The following GPR39 variants were observed in gnomAD, a reference collection of about 807,000 sequenced individuals.
GPR39 encodes zinc sensing receptor.
GPR39 carries 23 observed loss-of-function variants against 18.4 expected under a neutral mutation model. That is an observed-to-expected ratio of 1.25 (90% confidence interval 0.90 to 1.77). The LOEUF is 1.77. GPR39 is among the 40% of genes most tolerant of loss of function. The pLI, the probability that GPR39 is intolerant of heterozygous loss-of-function variation, is 0.00. For synonymous variants in GPR39, 280 were observed against 257.9 expected (o/e 1.09, Z -0.82); for missense variants, 647 against 602.4 (o/e 1.07, Z -0.78).
intron 1 of GPR39, among the ~76,000 whole-genome samples, chr2:132,624,198 T>C (rs1184146089): frequency 1.3e-5 from 2 of 152,210 alleles, no homozygotes; most frequent in South Asian, 2.1e-4. Flanking sequence ...CAGATGGCCC[T>C]CTTCTCCCTG....
At chr2:132,473,603 C>T (rs1247454902) in intron 1 of GPR39, among the ~76,000 whole-genome samples, 1 of 152,070 alleles carries the variant, frequency 6.6e-6, no homozygotes, top group Non-Finnish European at 1.5e-5. Context: ...TATTCAGTAC[C>T]AGAGTCCATG....
At chr2:132,530,565 G>T (rs757294847) in intron 1 of GPR39, among the ~76,000 whole-genome samples, 1 of 152,162 alleles carries the variant, frequency 6.6e-6, no homozygotes, top group South Asian at 2.1e-4. Context: ...AGTCACCAAA[G>T]TTGAAATGAA....
At chr2:132,505,266 T>G (rs971799141) in intron 1 of GPR39, among the ~76,000 whole-genome samples, 1 of 152,156 alleles carries the variant, frequency 6.6e-6, no homozygotes, top group African/African-American at 2.4e-5. Flanking sequence ...TTAAAAAAAT[T>G]ATTAATACAT....
intron 1 of GPR39, among the ~76,000 whole-genome samples, chr2:132,447,521 A>C (rs988714154): frequency 1.2e-4 from 19 of 152,204 alleles, no homozygotes; most frequent in African/African-American, 4.3e-4. Context: ...ACCGTGGTCC[A>C]GGTCCACAAA....
chr2:132,417,099 T>C lies in GPR39; in HGVS notation c.57T>C (p.His19=). 3 of 1,614,170 alleles carry C rather than the reference T, an allele frequency of 1.9e-6. No individual in the cohort carries two copies. Among genetic ancestry groups the C allele is most frequent in the Non-Finnish European group, 2.5e-6 (3 of 1,180,036 alleles). ...SDCSQIIDHS[H]VPEFEVATWI... is the part of the protein sequence containing the mutation. ...GCTCCCAAATCATTGATCACAGTCA[T>C]GTCCCCGAGTTTGAGGTGGCCACCT... Residue 19 remains histidine, a synonymous_variant, in exon 1 of 2, where the codon CAT becomes CAC. Transcript: ENST00000329321.
intron 1 of GPR39, among the ~76,000 whole-genome samples, chr2:132,434,154 A>C (rs989191910): frequency 1.3e-5 from 2 of 152,132 alleles, no homozygotes; most frequent in African/African-American, 2.4e-5. Context: ...TATTCTGAAA[A>C]AAAATGCCAT....
intron 1 of GPR39, among the ~76,000 whole-genome samples, chr2:132,421,432 T>C (rs544826820): frequency 6.9e-6 from 1 of 145,886 alleles, no homozygotes; most frequent in Admixed American, 6.9e-5. Context: ...CTTTCAACTA[T>C]AGTTATGAAA....
intron 1 of GPR39, chr2:132,489,187 C>A (rs1573626885): frequency 8.8e-6 from 2 of 226,166 alleles, no homozygotes; most frequent in East Asian, 2.2e-4. Flanking sequence ...ACAAATGCAT[C>A]TTCCTCGGTA....
At chr2:132,554,415 T>G (rs1273169206) in intron 1 of GPR39, among the ~76,000 whole-genome samples, 2 of 152,218 alleles carry the variant, frequency 1.3e-5, no homozygotes, top group South Asian at 4.1e-4. Flanking sequence ...ATCTCACTTA[T>G]CTGCTTCAAA....
At chr2:132,556,191 A>G (rs1680148780) in intron 1 of GPR39, among the ~76,000 whole-genome samples, 1 of 152,196 alleles carries the variant, frequency 6.6e-6, no homozygotes, top group African/African-American at 2.4e-5. Flanking sequence ...TTCATTAGGC[A>G]TATCATTTTT....
At chr2:132,503,079 A>AT (rs1212586940) in intron 1 of GPR39, among the ~76,000 whole-genome samples, 1 of 152,000 alleles carries the variant, frequency 6.6e-6, no homozygotes, top group East Asian at 1.9e-4. Context: ...CAAATCAGAG[A>AT]TTTTGTCTTG....
chr2:132,482,002 C>A (rs1681244476), intron 1 of GPR39, among the ~76,000 whole-genome samples: 1 of 152,196 alleles, frequency 6.6e-6, no homozygotes, highest in African/African-American at 2.4e-5. Flanking sequence ...AGCTGAACAT[C>A]TCTGTAGACT....
intron 1 of GPR39, among the ~76,000 whole-genome samples, chr2:132,454,028 G>T (rs1680676574): frequency 6.6e-6 from 1 of 152,146 alleles, no homozygotes; most frequent in African/African-American, 2.4e-5. Flanking sequence ...AAAGTAATAG[G>T]TAGCTTGATG....
chr2:132,473,618 T>A (rs941881524), intron 1 of GPR39, among the ~76,000 whole-genome samples: 1 of 152,216 alleles, frequency 6.6e-6, no homozygotes, highest in African/African-American at 2.4e-5. Flanking sequence ...TCCATGCTAA[T>A]CTGCTTCAGG....
chr2:132,607,311 A>G (rs777626359), intron 1 of GPR39, among the ~76,000 whole-genome samples: 6 of 152,126 alleles, frequency 3.9e-5, no homozygotes, highest in Non-Finnish European at 8.8e-5. Context: ...TTACTCATTC[A>G]TCCTATGTTG....
chr2:132,556,751 C>G (rs1680159127), intron 1 of GPR39, among the ~76,000 whole-genome samples: 1 of 152,176 alleles, frequency 6.6e-6, no homozygotes, highest in South Asian at 2.1e-4. Context: ...TTGGACAATT[C>G]TACTGACCGC....
intron 1 of GPR39, among the ~76,000 whole-genome samples, chr2:132,589,393 A>G (rs907596257): frequency 6.6e-6 from 1 of 152,236 alleles, no homozygotes; most frequent in Non-Finnish European, 1.5e-5. Flanking sequence ...GTTGAATCAA[A>G]TCATTTTTTC....
intron 1 of GPR39, among the ~76,000 whole-genome samples, chr2:132,620,676 G>C (rs1014575202): frequency 6.6e-6 from 1 of 152,086 alleles, no homozygotes; most frequent in Non-Finnish European, 1.5e-5. Flanking sequence ...ACTTCCCCTC[G>C]CCTCTCTGTT....
intron 1 of GPR39, among the ~76,000 whole-genome samples, chr2:132,533,613 A>T (rs1469118155): frequency 6.6e-6 from 1 of 152,156 alleles, no homozygotes; most frequent in Admixed American, 6.6e-5. Flanking sequence ...AGGCTACAGT[A>T]ACCAAAACAG....
Sources: allele counts gnomAD v4.1 joint callset (sites outside exome capture counted in the v4.1 genomes callset), GRCh38; gene constraint gnomAD v4.1.1; transcripts MANE v1.5; gene names NCBI Gene and HGNC (gene_info 2026-07-23, HGNC 2026-07-21).